FGGY: variants seen among roughly 807,000 people sequenced by gnomAD.
The protein encoded by FGGY is FGGY carbohydrate kinase domain containing, also known as FGGY carbohydrate kinase domain-containing protein.
A neutral mutation model predicts 71.3 loss-of-function variants in FGGY; 72 were observed. The observed-to-expected ratio is 1.01, with a 90% CI of 0.84 to 1.23. FGGY has a LOEUF of 1.23. Ranked by LOEUF, FGGY falls within the 50% of genes most tolerant of loss-of-function variation. The pLI, the probability that FGGY is intolerant of heterozygous loss-of-function variation, is 0.00. For missense variants in FGGY, 668 were observed against 682.3 expected, an observed-to-expected ratio of 0.98 and a Z score of 0.23; for synonymous variants, 251 against 250.3, an observed-to-expected ratio of 1.00 and a Z score of -0.02.
At chr1:59,693,927 A>C (rs927017095) in intron 14 of FGGY, among the ~76,000 whole-genome samples, 10 of 151,904 alleles carry the variant, frequency 6.6e-5, no homozygotes, top group African/African-American at 2.4e-4. Context: ...GGATTGCTTG[A>C]ACCTGGGAGG....
At chr1:59,702,789 C>A (rs889778626) in intron 14 of FGGY, among the ~76,000 whole-genome samples, 3 of 152,130 alleles carry the variant, frequency 2.0e-5, no homozygotes, top group Non-Finnish European at 4.4e-5. Context: ...TTAGTTATAC[C>A]TGCTGAGGAG....
At chr1:59,388,875 A>G (rs2060380472) in intron 5 of FGGY, among the ~76,000 whole-genome samples, 1 of 152,060 alleles carries the variant, frequency 6.6e-6, no homozygotes, top group African/African-American at 2.4e-5. Context: ...ACCACTATCT[A>G]TTTCTAAAAC....
rs367976800 is a variant in FGGY at position 59,762,718 on chromosome 1, T to G, written c.*134T>G. 4.1e-5 allele frequency: 27 copies of G among 657,518 alleles called. No homozygotes were observed. The East Asian group carries it at 6.9e-4, about 17-fold the overall frequency. 40.7% of individuals were successfully genotyped at this position (657,518 alleles called of 1,614,324 possible). ...TGTCTTTCAATAAAGAAAACAAACA[T>G]GTGCAACCAGAATTAGAGTCTTCAT... On this transcript the variant is annotated 3_prime_UTR_variant, in exon 16 of 16. Coordinates refer to ENST00000303721, the MANE Select transcript of FGGY (RefSeq NM_018291.5).
At chr1:59,375,425 A>G (rs565756862) in intron 4 of FGGY, among the ~76,000 whole-genome samples, 71 of 152,218 alleles carry the variant, frequency 4.7e-4, no homozygotes, top group African/African-American at 1.7e-3. Context: ...TTTCTTTTGT[A>G]GAGAAAGCAG....
At chr1:59,327,672 A>C (rs2047680664) in intron 2 of FGGY, among the ~76,000 whole-genome samples, 1 of 152,216 alleles carries the variant, frequency 6.6e-6, no homozygotes, top group East Asian at 1.9e-4. Context: ...CTTTATCTAG[A>C]TCAATTAGAG....
intron 5 of FGGY, among the ~76,000 whole-genome samples, chr1:59,390,509 A>C (rs1236155650): frequency 6.6e-6 from 1 of 152,164 alleles, no homozygotes. Flanking sequence ...CATACAAAGG[A>C]TGTGCCTCAC....
chr1:59,580,715 A>G (rs539554930), intron 8 of FGGY, among the ~76,000 whole-genome samples: 12 of 152,056 alleles, frequency 7.9e-5, no homozygotes, highest in Non-Finnish European at 1.5e-4. Flanking sequence ...TAAACCTAGA[A>G]TTTTCAATCC....
At chr1:59,760,309 A>G (rs930890911) in intron 15 of FGGY, among the ~76,000 whole-genome samples, 13 of 152,230 alleles carry the variant, frequency 8.5e-5, no homozygotes, top group African/African-American at 2.7e-4. Context: ...GTTGGCAAGG[A>G]TGTGGAGAAA....
intron 11 of FGGY, among the ~76,000 whole-genome samples, chr1:59,640,595 G>A (rs994346107): frequency 1.4e-5 from 2 of 142,032 alleles, no homozygotes; most frequent in African/African-American, 5.8e-5. Context: ...TCTTCTTTTG[G>A]CCCCTAAAAC....
chr1:59,406,730 A>C (rs1249866092), intron 5 of FGGY, among the ~76,000 whole-genome samples: 3 of 152,192 alleles, frequency 2.0e-5, no homozygotes, highest in African/African-American at 7.2e-5. Context: ...GAGACTACCA[A>C]AAATAATAAG....
chr1:59,648,864 A>G (rs1304523902), intron 11 of FGGY, among the ~76,000 whole-genome samples: 3 of 152,178 alleles, frequency 2.0e-5, no homozygotes, highest in Non-Finnish European at 2.9e-5. Context: ...GTTTTCTTCT[A>G]GGGTTTTTAT....
intron 5 of FGGY, among the ~76,000 whole-genome samples, chr1:59,428,325 A>G (rs962339213): frequency 6.6e-6 from 1 of 152,224 alleles, no homozygotes; most frequent in African/African-American, 2.4e-5. Context: ...TCAGGCTCAT[A>G]GTGATTAAAT....
intron 5 of FGGY, among the ~76,000 whole-genome samples, chr1:59,441,445 G>A (rs965844658): frequency 6.6e-6 from 1 of 152,138 alleles, no homozygotes; most frequent in African/African-American, 2.4e-5. Context: ...TCGGATAATG[G>A]CTATCAAATT....
At chr1:59,316,104 C>CAAGCTT (rs1411239097) in intron 1 of FGGY, 1 of 152,184 alleles carries the variant, frequency 6.6e-6, no homozygotes, top group East Asian at 1.9e-4. Context: ...CTGAGGTGGG[C>CAAGCTT]AAGCTTAACT....
intron 7 of FGGY, among the ~76,000 whole-genome samples, chr1:59,528,454 T>C (rs1278844955): frequency 1.3e-5 from 2 of 152,182 alleles, no homozygotes. Flanking sequence ...TCTTTTACCA[T>C]TATATAGCTT....
chr1:59,674,322 G>A (rs1401474084), intron 14 of FGGY, among the ~76,000 whole-genome samples, 189 bp downstream of exon 14: 5 of 151,992 alleles, frequency 3.3e-5, no homozygotes, highest in African/African-American at 9.7e-5. Flanking sequence ...ACTTGGCCTC[G>A]GTTCGTGTTG....
intron 5 of FGGY, among the ~76,000 whole-genome samples, chr1:59,382,659 C>T (rs1157804160): frequency 6.6e-6 from 1 of 152,104 alleles, no homozygotes; most frequent in Non-Finnish European, 1.5e-5. Context: ...CATCATTGTA[C>T]ATCCGTGAAA....
At chr1:59,721,333 C>CTTTTT (rs1193468922) in intron 14 of FGGY, among the ~76,000 whole-genome samples, 25 of 68,580 alleles carry the variant, frequency 3.6e-4, no homozygotes, top group Admixed American at 1.4e-3. Context: ...CTTTTCTTTC[C>CTTTTT]TTTGTTTTTT....
chr1:59,426,858 GAA>G (rs34668849), intron 5 of FGGY, among the ~76,000 whole-genome samples: 1 of 135,252 alleles, frequency 7.4e-6, no homozygotes, highest in Non-Finnish European at 1.6e-5. Context: ...GATTAACACT[GAA>G]AAAAAAAAAA....
Sources: gnomAD v4.1 joint callset for allele counts (sites outside exome capture counted in the v4.1 genomes callset) on GRCh38, gnomAD v4.1.1 for gene constraint, MANE v1.5 for transcripts, NCBI Gene and HGNC (gene_info 2026-07-23, HGNC 2026-07-21) for gene names.